RBFOX1: variants seen among roughly 807,000 people sequenced by gnomAD.
RBFOX1 encodes the protein RNA binding fox-1 homolog 1.
RBFOX1 carries 8 observed loss-of-function variants against 57.7 expected under a neutral mutation model. The ratio of observed to expected loss-of-function variants is 0.14; its 90% confidence interval spans 0.08 to 0.25. RBFOX1 has a LOEUF of 0.25. Among genes scored for constraint, RBFOX1 ranks in the 10% least tolerant of loss-of-function variants. The pLI is 1.00. For missense variants in RBFOX1, 611 were observed against 548.5 expected (o/e 1.11, Z -1.14); for synonymous variants, 326 against 222.4 (o/e 1.47, Z -4.15).
intron 1 of RBFOX1, among the ~76,000 whole-genome samples, chr16:6,282,066 C>T (rs2076435190): frequency 6.6e-6 from 1 of 152,126 alleles, no homozygotes; most frequent in Non-Finnish European, 1.5e-5. Context: ...AGAATATTAT[C>T]TCTGTACCAT....
chr16:6,371,973 G>A (rs2090490315), intron 2 of RBFOX1, among the ~76,000 whole-genome samples: 1 of 152,150 alleles, frequency 6.6e-6, no homozygotes, highest in South Asian at 2.1e-4. Context: ...TATCCCCATT[G>A]CCTAGGAAGA....
At chr16:5,289,661 C>G (rs2063486785) in intron 1 of RBFOX1, among the ~76,000 whole-genome samples, 1 of 152,134 alleles carries the variant, frequency 6.6e-6, no homozygotes, top group Admixed American at 6.6e-5. Flanking sequence ...AGTGTGGACC[C>G]TGAGGGTCTA....
intron 3 of RBFOX1, among the ~76,000 whole-genome samples, chr16:5,740,711 G>A (rs66926752): frequency 0.27 from 41,459 of 152,048 alleles, 6,195 homozygotes; most frequent in East Asian, 0.57. Context: ...TCATTCTAAG[G>A]TGAGCTGTCA....
chr16:5,544,574 C>G (rs1007565479), intron 2 of RBFOX1, among the ~76,000 whole-genome samples: 2 of 151,766 alleles, frequency 1.3e-5, no homozygotes, highest in Non-Finnish European at 1.5e-5. Flanking sequence ...AACAGAAAAA[C>G]AATAGAGAAA....
chr16:7,466,479 C>T (rs563529871), intron 4 of RBFOX1, among the ~76,000 whole-genome samples: 50 of 152,232 alleles, frequency 3.3e-4, no homozygotes, highest in African/African-American at 1.2e-3. Context: ...AAAGTCACCC[C>T]AGGTCCTAGG....
At chr16:7,457,038 C>T (rs991294481) in intron 4 of RBFOX1, among the ~76,000 whole-genome samples, 3 of 152,120 alleles carry the variant, frequency 2.0e-5, no homozygotes, top group Non-Finnish European at 2.9e-5. Flanking sequence ...CAGGCACGCA[C>T]CACCACGCCC....
chr16:7,568,098 G>A (rs532075500), intron 5 of RBFOX1, among the ~76,000 whole-genome samples: 1 of 152,156 alleles, frequency 6.6e-6, no homozygotes, highest in Non-Finnish European at 1.5e-5. Context: ...CAGACACCAA[G>A]AAAGGGTTCT....
At chr16:5,832,931 C>G (rs2056329289) in intron 3 of RBFOX1, among the ~76,000 whole-genome samples, 1 of 152,124 alleles carries the variant, frequency 6.6e-6, no homozygotes, top group Non-Finnish European at 1.5e-5. Context: ...CTGTAGAAAT[C>G]CTGAAAAAGA....
intron 4 of RBFOX1, among the ~76,000 whole-genome samples, chr16:7,164,504 T>C (rs1313631836): frequency 6.6e-6 from 1 of 152,184 alleles, no homozygotes; most frequent in East Asian, 1.9e-4. Flanking sequence ...CTGGCAGAAA[T>C]GATATGTGTC....
intron 4 of RBFOX1, among the ~76,000 whole-genome samples, chr16:7,401,628 T>C (rs2098245448): frequency 6.6e-6 from 1 of 152,232 alleles, no homozygotes; most frequent in African/African-American, 2.4e-5. Flanking sequence ...ATGCATTGAT[T>C]AGCTTCTTTG....
intron 1 of RBFOX1, among the ~76,000 whole-genome samples, chr16:6,040,204 C>T (rs1285998054): frequency 1.3e-5 from 2 of 152,170 alleles, no homozygotes; most frequent in African/African-American, 2.4e-5. Context: ...GTAAAATACA[C>T]ATAAAATAAA....
intron 5 of RBFOX1, chr16:7,519,760 A>C (rs977725585): frequency 1.0e-6 from 1 of 969,214 alleles, no homozygotes; most frequent in Non-Finnish European, 1.2e-6. Flanking sequence ...CAGGAAAGCA[A>C]GTATTTGTGA....
At chr16:6,520,936 G>C (rs778882336) in intron 2 of RBFOX1, among the ~76,000 whole-genome samples, 2 of 152,124 alleles carry the variant, frequency 1.3e-5, no homozygotes, top group Non-Finnish European at 2.9e-5. Flanking sequence ...GTTGGAAAGA[G>C]TGTAGGGGGG....
intron 3 of RBFOX1, among the ~76,000 whole-genome samples, chr16:6,952,095 C>T (rs1005964334): frequency 9.2e-5 from 14 of 152,154 alleles, no homozygotes; most frequent in African/African-American, 1.9e-4. Flanking sequence ...TTTCTGAAAA[C>T]GATTGCTTTG....
At chr16:5,624,920 G>A (rs1424225847) in intron 3 of RBFOX1, among the ~76,000 whole-genome samples, 1 of 152,168 alleles carries the variant, frequency 6.6e-6, no homozygotes, top group Non-Finnish European at 1.5e-5. Flanking sequence ...TTTATCTGGT[G>A]CCAAACAGCA....
intron 1 of RBFOX1, among the ~76,000 whole-genome samples, chr16:6,025,257 T>C (rs900856397): frequency 1.3e-5 from 2 of 152,236 alleles, no homozygotes; most frequent in African/African-American, 4.8e-5. Flanking sequence ...TAGTGACATC[T>C]GAAAAGGTAA....
Position 7,224,008 on chromosome 16 carries a change from G to A in RBFOX1, c.27+171910G>A, listed in dbSNP as rs866824873. Among the ~76,000 whole-genome samples the A allele has an allele frequency of 7.3e-5, 11 of 151,688 alleles. No homozygotes were observed. In the South Asian group the frequency reaches 2.3e-3, roughly 32 times the overall value. On this transcript the variant is annotated intron_variant, in intron 4 of 15. Coordinates refer to ENST00000550418, the MANE Select transcript of RBFOX1 (RefSeq NM_018723.4). ...TGTGAATTATAAGTACATAAGTAAAGTACATATTATTTATGCATATGTTGT... is the reference window on the plus strand; with the variant it reads ...TGTGAATTATAAGTACATAAGTAAAATACATATTATTTATGCATATGTTGT...
chr16:6,903,820 C>T (rs927390709), intron 3 of RBFOX1, among the ~76,000 whole-genome samples: 3 of 152,092 alleles, frequency 2.0e-5, no homozygotes, highest in African/African-American at 7.2e-5. Flanking sequence ...CAATTGCATC[C>T]CCAACAGGCG....
At chr16:7,292,222 TG>T (rs2095797833) in intron 4 of RBFOX1, among the ~76,000 whole-genome samples, 1 of 124,584 alleles carries the variant, frequency 8.0e-6, no homozygotes, top group Non-Finnish European at 1.6e-5. Context: ...ATATGATATA[TG>T]ATATAGAACG....
Sources: allele counts gnomAD v4.1 joint callset (sites outside exome capture counted in the v4.1 genomes callset), GRCh38; gene constraint gnomAD v4.1.1; transcripts MANE v1.5; gene names NCBI Gene and HGNC (gene_info 2026-07-23, HGNC 2026-07-21).